Variants in NYAP2 observed in about 807,000 individuals in gnomAD.
NYAP2 encodes neuronal tyrosine-phosphorylated phosphoinositide-3-kinase adaptor 2, also known as neuronal tyrosine-phosphorylated phosphoinositide-3-kinase adapter 2.
A neutral mutation model predicts 50.4 loss-of-function variants in NYAP2; 23 were observed. That is an observed-to-expected ratio of 0.46 (90% CI 0.33 to 0.65). The LOEUF is 0.65. NYAP2 is among the 30% of genes least tolerant of loss of function. The probability of loss-of-function intolerance (pLI) is 0.02; values close to 1 mark genes in which losing one functional copy is unlikely to be tolerated. For synonymous variants in NYAP2, 394 were observed against 365.2 expected (o/e 1.08, Z -0.90); for missense variants, 885 against 861.0 (o/e 1.03, Z -0.35).
At chr2:225,550,165 T>G (rs1691646818) in intron 4 of NYAP2, among the ~76,000 whole-genome samples, 2 of 152,270 alleles carry the variant, frequency 1.3e-5, no homozygotes, top group African/African-American at 4.8e-5. Context: ...AAAAAAGTCA[T>G]TAAGATATGG....
chr2:225,446,881 C>G (rs1022446405), intron 3 of NYAP2, among the ~76,000 whole-genome samples: 2 of 152,080 alleles, frequency 1.3e-5, no homozygotes, highest in African/African-American at 4.8e-5. Context: ...AAGGCAAGAT[C>G]AGCACGGAGT....
the NYAP2 span, among the ~76,000 whole-genome samples, chr2:225,679,186 T>TAA: frequency 9.6e-6 from 1 of 104,136 alleles, no homozygotes; most frequent in Non-Finnish European, 2.3e-5. Flanking sequence ...GAATGCCTTA[T>TAA]AAAAGCAAGT....
At chr2:225,557,252 T>G (rs1026428962) in intron 4 of NYAP2, among the ~76,000 whole-genome samples, 1 of 152,184 alleles carries the variant, frequency 6.6e-6, no homozygotes, top group Non-Finnish European at 1.5e-5. Context: ...ACATCAAATA[T>G]CCTTTTTCTG....
chr2:225,606,313 A>G (rs1243410889), intron 5 of NYAP2, among the ~76,000 whole-genome samples: 3 of 152,082 alleles, frequency 2.0e-5, no homozygotes, highest in Non-Finnish European at 4.4e-5. Flanking sequence ...TTGGTTTCCA[A>G]ATTGCTGGTA....
intron 5 of NYAP2, among the ~76,000 whole-genome samples, chr2:225,623,816 A>G (rs1693165182): frequency 6.6e-6 from 1 of 152,256 alleles, no homozygotes; most frequent in Admixed American, 6.5e-5. Flanking sequence ...GAGAAGGCAT[A>G]TTCCATTGTT....
intron 3 of NYAP2, among the ~76,000 whole-genome samples, chr2:225,457,390 C>T (rs578186822): frequency 1.3e-5 from 2 of 152,058 alleles, no homozygotes; most frequent in South Asian, 4.1e-4. Flanking sequence ...TCAATGGACA[C>T]ATTCCTTTAT....
chr2:225,679,223 AAAG>A, the NYAP2 span, among the ~76,000 whole-genome samples: 1 of 152,158 alleles, frequency 6.6e-6, no homozygotes, highest in African/African-American at 2.4e-5. Context: ...AAAAGGTAGA[AAAG>A]AAAATATTAA....
At position 225,490,640 on chromosome 2, in the gene NYAP2, C is replaced by G. The variant is rs530473701; in HGVS notation, c.222-22731C>G. ...CTTGAGAGGATTAGGCAATCCAAAT[C>G]CAGGATTACCAAGCCAGAAACTAAA... On this transcript the variant is annotated intron_variant, in intron 3 of 6. Transcript: ENST00000636099. 2.6e-5 allele frequency among the ~76,000 whole-genome samples: 4 copies of G among 152,258 alleles called. No individual in the cohort carries two copies. In the South Asian group the frequency reaches 8.3e-4, roughly 32 times the overall value.
chr2:225,430,361 GT>G (rs1256175375), intron 3 of NYAP2, among the ~76,000 whole-genome samples: 2 of 152,104 alleles, frequency 1.3e-5, no homozygotes, highest in Non-Finnish European at 2.9e-5. Flanking sequence ...ATCTGCCCAT[GT>G]TTTTTAGATT....
downstream of NYAP2, among the ~76,000 whole-genome samples, chr2:225,656,986 C>T (rs191460793): frequency 2.6e-5 from 4 of 151,702 alleles, no homozygotes; most frequent in East Asian, 7.8e-4. Flanking sequence ...ATTGAACTTT[C>T]TAGATAGTAC....
intron 5 of NYAP2, among the ~76,000 whole-genome samples, chr2:225,602,318 G>A (rs568988298): frequency 1.2e-4 from 18 of 152,278 alleles, no homozygotes; most frequent in Middle Eastern, 3.4e-3. Flanking sequence ...ATGTAAAATA[G>A]GTGAAAAGTG....
chr2:225,585,181 A>T (rs1169278932), intron 5 of NYAP2, among the ~76,000 whole-genome samples: 1 of 152,260 alleles, frequency 6.6e-6, no homozygotes, highest in Non-Finnish European at 1.5e-5. Context: ...CACACAGATC[A>T]AATAAGGTAT....
chr2:225,510,905 C>T (rs113963734), intron 3 of NYAP2, among the ~76,000 whole-genome samples: 10 of 151,904 alleles, frequency 6.6e-5, no homozygotes, highest in South Asian at 6.2e-4. Flanking sequence ...ATTGTCAGTC[C>T]GGGAAAAAGT....
the NYAP2 span, among the ~76,000 whole-genome samples, chr2:225,665,958 T>TG: frequency 6.6e-6 from 1 of 151,482 alleles, no homozygotes; most frequent in Non-Finnish European, 1.5e-5. Context: ...CCAGGGGCTT[T>TG]GGGTGGAGTG....
chr2:225,623,758 A>T lies in NYAP2; in HGVS notation c.1619-3159A>T, dbSNP rs1377429575. On this transcript the variant is annotated intron_variant, in intron 5 of 6. Transcript: ENST00000636099. Reference sequence around the variant, plus strand: ...TTCAACATGCTTGCTCTATTTAAAAATACCTGTAGAAGCTCATAATAAATA... The same window carrying T: ...TTCAACATGCTTGCTCTATTTAAAATTACCTGTAGAAGCTCATAATAAATA... 2.6e-5 allele frequency among the ~76,000 whole-genome samples: 4 copies of T among 152,236 alleles called. No individual in the cohort carries two copies. In the East Asian group the frequency reaches 7.7e-4, roughly 29 times the overall value.
intron 3 of NYAP2, among the ~76,000 whole-genome samples, chr2:225,503,343 T>G (rs1031016381): frequency 2.0e-5 from 3 of 152,222 alleles, no homozygotes; most frequent in African/African-American, 7.2e-5. Context: ...CTTTAGGCCA[T>G]GACACTTCAA....
intron 4 of NYAP2, among the ~76,000 whole-genome samples, chr2:225,538,993 C>A (rs1691408341): frequency 6.6e-6 from 1 of 151,996 alleles, no homozygotes; most frequent in African/African-American, 2.4e-5. Context: ...TATCCCTCCC[C>A]TAGCCCTTCA....
chr2:225,429,464 G>A (rs142481171), intron 3 of NYAP2, among the ~76,000 whole-genome samples: 262 of 152,302 alleles, frequency 1.7e-3, no homozygotes, highest in African/African-American at 5.9e-3. Flanking sequence ...TCCTTGCAAT[G>A]TCTCTGGCAT....
chr2:225,590,515 T>A (rs1382327518), intron 5 of NYAP2, among the ~76,000 whole-genome samples: 1 of 152,216 alleles, frequency 6.6e-6, no homozygotes, highest in Non-Finnish European at 1.5e-5. Context: ...GGATGTTGAC[T>A]GTTTAATGAT....
Sources: gnomAD v4.1 joint callset for allele counts (sites outside exome capture counted in the v4.1 genomes callset) on GRCh38, gnomAD v4.1.1 for gene constraint, MANE v1.5 for transcripts, NCBI Gene and HGNC (gene_info 2026-07-23, HGNC 2026-07-21) for gene names.